SOX17: variants seen among roughly 807,000 people sequenced by gnomAD.
The protein encoded by SOX17 is SRY-box transcription factor 17.
SOX17 carries 4 observed loss-of-function variants against 16.0 expected under a neutral mutation model. That is an observed-to-expected ratio of 0.25 (90% CI 0.12 to 0.57). The LOEUF (loss-of-function observed/expected upper bound fraction) is 0.57. Ranked by LOEUF, SOX17 falls within the 20% of genes least tolerant of loss-of-function variation. The pLI is 0.92. For missense variants in SOX17, 633 were observed against 609.7 expected (o/e 1.04, Z -0.40); for synonymous variants, 357 against 284.6 (o/e 1.25, Z -2.56).
At chr8:54,458,723 G>A (rs763359788) in intron 1 of SOX17, among the ~76,000 whole-genome samples, 65 of 152,240 alleles carry the variant, frequency 4.3e-4, no homozygotes, top group Non-Finnish European at 8.8e-4. Flanking sequence ...ACCTCCGGGC[G>A]GCGCGAGAGC....
chr8:54,458,202 G>T lies in SOX17; in HGVS notation c.64G>T (p.Ala22Ser). The T allele has an allele frequency of 6.3e-7, 1 of 1,592,486 alleles. No homozygotes were observed. Among genetic ancestry groups the T allele is most frequent in the East Asian group, 2.3e-5 (1 of 44,280 alleles). ...GAGCCAGACCCAGAGCGCGCTGCCCGCGGTGATGGCCGGGCTGGGCCCCTG... is the reference window on the plus strand; with the variant it reads ...GAGCCAGACCCAGAGCGCGCTGCCCTCGGTGATGGCCGGGCTGGGCCCCTG... ...DQSQTQSALP[A>S]VMAGLGPCPW... The change falls in exon 1 of 2, where the codon GCG (alanine) becomes TCG (serine). Residue 22 changes from alanine to serine, a missense_variant. Physicochemically the swap from Ala to Ser is moderately conservative, Grantham distance 99. Coordinates refer to ENST00000297316, the MANE Select transcript of SOX17 (RefSeq NM_022454.4).
chr8:54,458,072 C>T lies in SOX17; in HGVS notation c.-67C>T, dbSNP rs1586328811. ...CTCAGTGCCTCACTCCCCACCCCCT[C>T]CCCCGGGTCGGGGGAGGCGGCGCGT... On this transcript the variant is annotated 5_prime_UTR_variant, in exon 1 of 2. Transcript: ENST00000297316. The T allele has an allele frequency of 2.1e-6, 3 of 1,420,738 alleles. No individual in the cohort carries two copies. The Admixed American group carries it at 8.7e-5, about 41-fold the overall frequency. The allele number at this position is 1,420,738 out of a possible 1,614,324, so 88.0% of individuals were successfully genotyped here.
At position 54,458,908 on chromosome 8, in the gene SOX17, G is replaced by A. The variant is rs1804682296; in HGVS notation, c.308-150G>A. 3 of 678,214 alleles carry A rather than the reference G, an allele frequency of 4.4e-6. No homozygotes were observed. In the South Asian group the frequency reaches 6.4e-5, roughly 15 times the overall value. The allele number at this position is 678,214 out of a possible 1,614,324, so 42.0% of individuals were successfully genotyped here. ...GTGTTCCCCAAGGGCTCGGACTCAG[G>A]AGTCCCAGATCTCCCTCTTTAACTT... On this transcript the variant is annotated intron_variant, in intron 1 of 1. Transcript: ENST00000297316.
rs563097168 is a variant in SOX17 at position 54,460,798 on chromosome 8, T to G, written c.*803T>G. The G allele has an allele frequency of 3.1e-5, 7 of 227,692 alleles. No individual in the cohort carries two copies. The highest frequency in any genetic ancestry group is 1.5e-4 in the African/African-American group (7 of 45,164). The allele number at this position is 227,692 out of a possible 1,614,324, so 14.1% of individuals were successfully genotyped here. A position where few individuals can be genotyped will look rare whatever the true frequency, so the allele number is the denominator to read the frequency against. ...ATTCAGTTTACCTTAATCTTCACATTTTTACACCTTGGGAAGTGGCAAGCA... is the reference window on the plus strand; with the variant it reads ...ATTCAGTTTACCTTAATCTTCACATGTTTACACCTTGGGAAGTGGCAAGCA... On this transcript the variant is annotated 3_prime_UTR_variant, in exon 2 of 2. Transcript: ENST00000297316.
In SOX17 at chr8:54,459,485, C is replaced by T; in HGVS notation, c.735C>T (p.Cys245=). ...TCGCCGCCCCGATGCCCGGGGACTG[C>T]CCGGCGGCCGGCACCTACAGCTACG... is the stretch of plus-strand genomic sequence containing the variant. The part of the protein sequence containing the change: ...AFFAAPMPGD[C]PAAGTYSYAQ... Residue 245 remains cysteine, a synonymous_variant, in exon 2 of 2, where the codon TGC becomes TGT. Transcript: ENST00000297316. The T allele has an allele frequency of 2.0e-6, 3 of 1,525,468 alleles. No homozygotes were observed. The highest frequency in any genetic ancestry group is 1.2e-5 in the South Asian group (1 of 83,070). The allele number at this position is 1,525,468 out of a possible 1,614,324, so 94.5% of individuals were successfully genotyped here.
chr8:54,458,986 C>A, intron 1 of SOX17, 72 bp from the exon 2 acceptor site: 1 of 1,372,598 alleles, frequency 7.3e-7, no homozygotes. Context: ...CCAGGTGGGG[C>A]CAGGTGGGGC....
Position 54,459,188 on chromosome 8 carries a change from G to A in SOX17, c.438G>A (p.Lys146=), listed in dbSNP as rs771267574. 1.3e-5 allele frequency: 20 copies of A among 1,598,130 alleles called. No individual in the cohort carries two copies. In the East Asian group the frequency reaches 1.8e-4, roughly 15 times the overall value. ...KYRPRRRKQV[K]RLKRVEGGFL... is the part of the protein sequence containing the mutation. Reference sequence around the variant, plus strand: ...GGCCGCGGCGGCGCAAGCAGGTGAAGCGGCTGAAGCGGGTGGAGGGCGGCT... The same window carrying A: ...GGCCGCGGCGGCGCAAGCAGGTGAAACGGCTGAAGCGGGTGGAGGGCGGCT... Residue 146 remains lysine, a synonymous_variant, in exon 2 of 2, where the codon AAG becomes AAA. Transcript: ENST00000297316.
In SOX17 at chr8:54,460,432, C is replaced by T. The variant is rs1385119579; in HGVS notation, c.*437C>T. The T allele has an allele frequency of 1.1e-5, 3 of 282,162 alleles. No homozygotes were observed. Among genetic ancestry groups the T allele is most frequent in the Admixed American group, 9.4e-5 (2 of 21,354 alleles). The allele number at this position is 282,162 out of a possible 1,614,324, so 17.5% of individuals were successfully genotyped here. On this transcript the variant is annotated 3_prime_UTR_variant, in exon 2 of 2. Coordinates refer to ENST00000297316, the MANE Select transcript of SOX17 (RefSeq NM_022454.4). ...CTTATCAAAAACCAGTTCTTAAGAT[C>T]AATGTTAAGTTTATTAGTTAATGTA... is the stretch of plus-strand genomic sequence containing the variant.
At position 54,459,790 on chromosome 8, in the gene SOX17, A is replaced by G; in HGVS notation, c.1040A>G (p.Asp347Gly). The G allele has an allele frequency of 1.2e-6, 2 of 1,606,330 alleles. No homozygotes were observed. The highest frequency in any genetic ancestry group is 2.3e-5 in the East Asian group (1 of 44,440). ...PEALPCRDGTDPSQPAELLGE... is the reference protein window; with the variant it reads ...PEALPCRDGTGPSQPAELLGE... ...GCACTGCCCTGCCGGGACGGCACGGACCCCAGTCAGCCCGCCGAGCTCCTC... is the reference window on the plus strand; with the variant it reads ...GCACTGCCCTGCCGGGACGGCACGGGCCCCAGTCAGCCCGCCGAGCTCCTC... Residue 347 changes from aspartate to glycine, a missense_variant, in exon 2 of 2, where the codon GAC (aspartate) becomes GGC (glycine). Around this residue, in one of 5 missense-constraint regions of SOX17, gnomAD observed 479 missense variants for 397.2 expected, o/e 1.21. Transcript: ENST00000297316.
Position 54,460,167 on chromosome 8 carries a change from TG to T in SOX17, c.*179del, listed in dbSNP as rs569813846. On this transcript the variant is annotated 3_prime_UTR_variant, in exon 2 of 2. Coordinates refer to ENST00000297316, the MANE Select transcript of SOX17 (RefSeq NM_022454.4). ...TATTTTGTCTGCCACTTGAACAGTT[TG>T]GGGGGGTGAGGTTTCATTTAAAATT... is the stretch of plus-strand genomic sequence containing the variant. 63 of 683,652 alleles carry T rather than the reference TG, an allele frequency of 9.2e-5. No homozygotes were observed. Among genetic ancestry groups the T allele is most frequent in the African/African-American group, 6.9e-4 (38 of 55,350 alleles). The allele number at this position is 683,652 out of a possible 1,614,324, so 42.3% of individuals were successfully genotyped here. A position where few individuals can be genotyped will look rare whatever the true frequency, so the allele number is the denominator to read the frequency against.
chr8:54,459,849 C>G lies in SOX17; in HGVS notation c.1099C>G (p.Leu367Val). The stretch of plus-strand genomic sequence containing the variant: ...GGACCGCACGGAATTTGAACAGTAT[C>G]TGCACTTCGTGTGCAAGCCTGAGAT... ...EVDRTEFEQY[L>V]HFVCKPEMGL... Residue 367 changes from leucine to valine, a missense_variant, in exon 2 of 2, where the codon CTG becomes GTG. Leu to Val is a conservative substitution (Grantham distance 32). Coordinates refer to ENST00000297316, the MANE Select transcript of SOX17 (RefSeq NM_022454.4). 1.2e-6 allele frequency: 2 copies of G among 1,613,746 alleles called. No homozygotes were observed. Among genetic ancestry groups the G allele is most frequent in the Non-Finnish European group, 1.7e-6 (2 of 1,180,024 alleles).
rs774174616 is a variant in SOX17, at chr8:54,459,336, C to T, written c.586C>T (p.Pro196Ser). The T allele has an allele frequency of 2.1e-5, 32 of 1,546,752 alleles. No individual in the cohort carries two copies. Among genetic ancestry groups the T allele is most frequent in the Admixed American group, 3.7e-5 (2 of 54,582 alleles). The change falls in exon 2 of 2, where the codon CCT becomes TCT. Residue 196 changes from proline to serine, a missense_variant. Coordinates refer to ENST00000297316, the MANE Select transcript of SOX17 (RefSeq NM_022454.4). ...QGFPAGPPLL[P>S]PHMGGHYRDC... ...CTTCCCCGCCGGCCCGCCGCTGCTG[C>T]CTCCGCACATGGGCGGCCACTACCG...
chr8:54,459,291 C>T lies in SOX17; in HGVS notation c.541C>T (p.Leu181Phe), dbSNP rs1804693158. The change falls in exon 2 of 2, where the codon CTC (leucine) becomes TTC (phenylalanine). Residue 181 changes from leucine (L) to phenylalanine (F), a missense_variant. Coordinates refer to ENST00000297316, the MANE Select transcript of SOX17 (RefSeq NM_022454.4). ...CCGCGTGGCCATGGACGGCCTGGGC[C>T]TCCAGTTCCCCGAGCAGGGCTTCCC... ...GGRVAMDGLG[L>F]QFPEQGFPAG... is the part of the protein sequence containing the mutation. 2.0e-6 allele frequency: 3 copies of T among 1,513,910 alleles called. No homozygotes were observed. Among genetic ancestry groups the T allele is most frequent in the Admixed American group, 4.2e-5 (2 of 47,794 alleles). 93.8% of individuals were successfully genotyped at this position (1,513,910 alleles called of 1,614,324 possible). A position where few individuals can be genotyped will look rare whatever the true frequency, so the allele number is the denominator to read the frequency against.
chr8:54,459,675 C>A lies in SOX17; in HGVS notation c.925C>A (p.Arg309Ser). ...GGGCTCGCCCGGGGCGGGCGGCGGG[C>A]GCGGCTTCCAGATGCAGCCGCAACA... ...AMGSPGAGGG[R>S]GFQMQPQHQH... Residue 309 changes from arginine (R) to serine (S), a missense_variant, in exon 2 of 2, where the codon CGC becomes AGC. Coordinates refer to ENST00000297316, the MANE Select transcript of SOX17 (RefSeq NM_022454.4). 6.5e-7 allele frequency: 1 copy of A among 1,536,992 alleles called. No individual in the cohort carries two copies. Among genetic ancestry groups the A allele is most frequent in the Non-Finnish European group, 8.7e-7 (1 of 1,146,070 alleles).
At position 54,460,023 on chromosome 8, in the gene SOX17, G is replaced by A. The variant is rs1460113006; in HGVS notation, c.*28G>A. The A allele has an allele frequency of 6.2e-7, 1 of 1,611,470 alleles. No homozygotes were observed. The highest frequency in any genetic ancestry group is 8.5e-7 in the Non-Finnish European group (1 of 1,178,438). ...GGTCCCTGATCCGCCCCAGCCTGCA[G>A]GCCAGAAGCAGTGTTACACACTTCC... On this transcript the variant is annotated 3_prime_UTR_variant, in exon 2 of 2. Coordinates refer to ENST00000297316, the MANE Select transcript of SOX17 (RefSeq NM_022454.4).
In SOX17 at chr8:54,459,863, C is replaced by G. The variant is rs1347346387; in HGVS notation, c.1113C>G (p.Cys371Trp). The change falls in exon 2 of 2, where the codon TGC (cysteine) becomes TGG (tryptophan). Residue 371 changes from cysteine (C) to tryptophan (W), a missense_variant. By Grantham distance (215) the Cys-to-Trp change is radical. This residue lies in a region of SOX17 where 479 missense variants were observed against 397.2 expected (regional missense o/e 1.21). Transcript: ENST00000297316. ...TTGAACAGTATCTGCACTTCGTGTGCAAGCCTGAGATGGGCCTCCCCTACC... is the reference window on the plus strand; with the variant it reads ...TTGAACAGTATCTGCACTTCGTGTGGAAGCCTGAGATGGGCCTCCCCTACC... ...TEFEQYLHFV[C>W]KPEMGLPYQG... 6.2e-7 allele frequency: 1 copy of G among 1,613,702 alleles called. No individual in the cohort carries two copies. Among genetic ancestry groups the G allele is most frequent in the African/African-American group, 1.3e-5 (1 of 74,964 alleles).
chr8:54,458,242 C>T lies in SOX17; in HGVS notation c.104C>T (p.Ser35Leu). The change falls in exon 1 of 2, where the codon TCG becomes TTG. Residue 35 changes from serine (S) to leucine (L), a missense_variant. Transcript: ENST00000297316. ...CTGGGCCCCTGCCCCTGGGCCGAGT[C>T]GCTGAGCCCCATCGGGGACATGAAG... Reference protein sequence around the residue: ...AGLGPCPWAESLSPIGDMKVK... With the variant: ...AGLGPCPWAELLSPIGDMKVK... 7 of 1,600,994 alleles carry T rather than the reference C, an allele frequency of 4.4e-6. No homozygotes were observed. Among genetic ancestry groups the T allele is most frequent in the Non-Finnish European group, 6.0e-6 (7 of 1,174,816 alleles).
chr8:54,460,390 A>ACACTAGTCTTATCAAAAACCTTAT lies in SOX17; in HGVS notation c.*396_*397insACTAGTCTTATCAAAAACCTTATC. 2.8e-6 allele frequency: 1 copy of ACACTAGTCTTATCAAAAACCTTAT among 361,146 alleles called. No homozygotes were observed. The highest frequency in any genetic ancestry group is 5.1e-6 in the Non-Finnish European group (1 of 196,030). 22.4% of individuals were successfully genotyped at this position (361,146 alleles called of 1,614,324 possible). A position where few individuals can be genotyped will look rare whatever the true frequency, so the allele number is the denominator to read the frequency against. On this transcript the variant is annotated 3_prime_UTR_variant, in exon 2 of 2. Coordinates refer to ENST00000297316, the MANE Select transcript of SOX17 (RefSeq NM_022454.4). ...AATCCTGCTTTTTTGCTCTACTAGT[A>ACACTAGTCTTATCAAAAACCTTAT]CCTCTGTCACACTAGTCTTATCAAA...
chr8:54,459,700 A>G lies in SOX17; in HGVS notation c.950A>G (p.His317Arg). The G allele has an allele frequency of 6.5e-7, 1 of 1,541,628 alleles. No individual in the cohort carries two copies. Among genetic ancestry groups the G allele is most frequent in the Non-Finnish European group, 8.7e-7 (1 of 1,147,638 alleles). ...CGCGGCTTCCAGATGCAGCCGCAAC[A>G]CCAGCACCAGCACCAGCACCAGCAC... ...GGRGFQMQPQ[H>R]QHQHQHQHHP... Residue 317 changes from histidine to arginine, a missense_variant, in exon 2 of 2, where the codon CAC becomes CGC. Around this residue, in one of 5 missense-constraint regions of SOX17, gnomAD observed 479 missense variants for 397.2 expected, o/e 1.21. Coordinates refer to ENST00000297316, the MANE Select transcript of SOX17 (RefSeq NM_022454.4).
Sources: allele counts gnomAD v4.1 joint callset (sites outside exome capture counted in the v4.1 genomes callset), GRCh38; gene constraint gnomAD v4.1.1; regional missense constraint gnomAD v4.1.1; transcripts MANE v1.5; gene names NCBI Gene and HGNC (gene_info 2026-07-23, HGNC 2026-07-21).